The following RBFOX1 variants were observed in gnomAD, a reference collection of about 807,000 sequenced individuals.
The protein encoded by RBFOX1 is RNA binding fox-1 homolog 1, also known as RNA binding protein fox-1 homolog 1.
A neutral mutation model predicts 57.7 loss-of-function variants in RBFOX1; 8 were observed. That is an observed-to-expected ratio of 0.14 (90% CI 0.08 to 0.25). The LOEUF is 0.25. Ranked by LOEUF, RBFOX1 falls within the 10% of genes least tolerant of loss-of-function variation. RBFOX1 has a pLI of 1.00. For synonymous variants in RBFOX1, 326 were observed against 222.4 expected, an observed-to-expected ratio of 1.47 and a Z score of -4.15; for missense variants, 611 against 548.5, an observed-to-expected ratio of 1.11 and a Z score of -1.14.
chr16:5,641,708 A>C (rs1199785202), intron 3 of RBFOX1, among the ~76,000 whole-genome samples: 2 of 152,164 alleles, frequency 1.3e-5, no homozygotes, highest in African/African-American at 2.4e-5. Context: ...GGGCATGTTG[A>C]CTTTGTCTTA....
At chr16:7,540,235 C>A (rs939328633) in intron 5 of RBFOX1, among the ~76,000 whole-genome samples, 1 of 152,158 alleles carries the variant, frequency 6.6e-6, no homozygotes, top group Non-Finnish European at 1.5e-5. Flanking sequence ...TTGTTTTCTC[C>A]AGATCTCGCT....
intron 1 of RBFOX1, among the ~76,000 whole-genome samples, chr16:5,255,625 C>T (rs537728534): frequency 1.3e-5 from 2 of 151,954 alleles, no homozygotes; most frequent in African/African-American, 4.8e-5. Context: ...TCCACCCACT[C>T]AACCATCCCT....
At chr16:6,682,332 C>G (rs917286403) in intron 3 of RBFOX1, among the ~76,000 whole-genome samples, 9 of 152,102 alleles carry the variant, frequency 5.9e-5, no homozygotes, top group African/African-American at 1.9e-4. Context: ...CCACTAGAGG[C>G]GCCCCTTGTG....
chr16:7,089,185 C>T (rs1392018972), intron 4 of RBFOX1, among the ~76,000 whole-genome samples: 1 of 152,138 alleles, frequency 6.6e-6, no homozygotes, highest in African/African-American at 2.4e-5. Context: ...CAGCTGGAGA[C>T]AGAGTTTATT....
At chr16:5,650,836 G>T (rs773079015) in intron 3 of RBFOX1, among the ~76,000 whole-genome samples, 12 of 152,040 alleles carry the variant, frequency 7.9e-5, no homozygotes, top group Admixed American at 4.6e-4. Context: ...GGGGCAGCAG[G>T]CGACGGGTCA....
chr16:6,478,423 ATATATATTTTTTTT>A (rs1257424168), intron 2 of RBFOX1, among the ~76,000 whole-genome samples: 281 of 11,944 alleles, frequency 0.024, 1 homozygote, highest in African/African-American at 0.055. Context: ...ATATATATAT[ATATATATTTTTTTT>A]TTTTTTTTTT....
chr16:6,050,914 G>C (rs191934549), intron 1 of RBFOX1, among the ~76,000 whole-genome samples: 51 of 150,370 alleles, frequency 3.4e-4, no homozygotes, highest in South Asian at 1.3e-3. Context: ...ATCATCAACC[G>C]GTGAGAGCTT....
intron 3 of RBFOX1, among the ~76,000 whole-genome samples, chr16:7,048,045 A>G (rs2048646886): frequency 6.6e-6 from 1 of 151,634 alleles, no homozygotes; most frequent in South Asian, 2.1e-4. Context: ...CGCCTGGCTA[A>G]TTTTTGTATT....
At chr16:5,655,833 A>T (rs1456519200) in intron 3 of RBFOX1, among the ~76,000 whole-genome samples, 1 of 152,022 alleles carries the variant, frequency 6.6e-6, no homozygotes, top group Non-Finnish European at 1.5e-5. Context: ...CCTCCATTTG[A>T]CTCTCTGTTT....
chr16:5,278,830 A>G (rs1420216415), intron 1 of RBFOX1, among the ~76,000 whole-genome samples: 2 of 152,224 alleles, frequency 1.3e-5, no homozygotes, highest in Non-Finnish European at 2.9e-5. Flanking sequence ...TCCTGGCACC[A>G]TTTAATGAAG....
chr16:5,749,559 TC>T (rs2053116077), intron 3 of RBFOX1, among the ~76,000 whole-genome samples: 2 of 152,330 alleles, frequency 1.3e-5, no homozygotes, highest in South Asian at 2.1e-4. Context: ...GAGGCTTTGT[TC>T]GTTTCTTTTT....
chr16:6,410,846 C>T (rs563888865), intron 2 of RBFOX1, among the ~76,000 whole-genome samples: 1 of 152,274 alleles, frequency 6.6e-6, no homozygotes, highest in South Asian at 2.1e-4. Flanking sequence ...CTGCACCATT[C>T]GGCATAAGTC....
At chr16:5,328,249 C>T (rs1238436015) in intron 1 of RBFOX1, among the ~76,000 whole-genome samples, 1 of 152,206 alleles carries the variant, frequency 6.6e-6, no homozygotes, top group Admixed American at 6.5e-5. Flanking sequence ...TTTAAAGGGG[C>T]CCCTAATCCA....
At chr16:7,092,508 C>T (rs2061026331) in intron 4 of RBFOX1, among the ~76,000 whole-genome samples, 1 of 152,178 alleles carries the variant, frequency 6.6e-6, no homozygotes, top group African/African-American at 2.4e-5. Context: ...GACAGTGTTC[C>T]AGCGAATGGC....
intron 3 of RBFOX1, among the ~76,000 whole-genome samples, chr16:6,668,297 A>G (rs930476297): frequency 6.6e-6 from 1 of 152,112 alleles, no homozygotes; most frequent in Non-Finnish European, 1.5e-5. Context: ...TGCATGATTG[A>G]TTAGTGATGC....
At chr16:5,806,579 T>A (rs2055235349) in intron 3 of RBFOX1, among the ~76,000 whole-genome samples, 1 of 152,174 alleles carries the variant, frequency 6.6e-6, no homozygotes, top group South Asian at 2.1e-4. Context: ...GTTCCAACCT[T>A]AGCAGAGGTG....
intron 4 of RBFOX1, among the ~76,000 whole-genome samples, chr16:7,513,315 C>T (rs1201578392): frequency 6.6e-6 from 1 of 151,870 alleles, no homozygotes; most frequent in Non-Finnish European, 1.5e-5. Context: ...ATGAAGTGAA[C>T]TCCCCACCAG....
chr16:5,271,097 C>T, intron 1 of RBFOX1: 1 of 193,618 alleles, frequency 5.2e-6, no homozygotes, highest in Non-Finnish European at 1.0e-5. Context: ...GCATGAGAAT[C>T]ACTTGAACCT....
chr16:7,019,993 T>G (rs1479316565), intron 3 of RBFOX1, among the ~76,000 whole-genome samples: 2 of 151,178 alleles, frequency 1.3e-5, no homozygotes, highest in Non-Finnish European at 2.9e-5. Context: ...TTTTTTTTTT[T>G]CTCTGATGAA....
Sources: allele counts gnomAD v4.1 joint callset (sites outside exome capture counted in the v4.1 genomes callset), GRCh38; gene constraint gnomAD v4.1.1; transcripts MANE v1.5; gene names NCBI Gene and HGNC (gene_info 2026-07-23, HGNC 2026-07-21).